Variants in NFIB observed in about 807,000 individuals in gnomAD.
NFIB encodes the protein nuclear factor 1 B-type.
Under a neutral mutation model 61.5 loss-of-function variants are expected in NFIB, and 11 were observed. That is an observed-to-expected ratio of 0.18 (90% CI 0.11 to 0.30). The LOEUF (loss-of-function observed/expected upper bound fraction) is 0.30, where lower values mean the gene tolerates loss of function less well. Among genes scored for constraint, NFIB ranks in the 10% least tolerant of loss-of-function variants. The probability of loss-of-function intolerance (pLI) is 1.00; values close to 1 mark genes in which losing one functional copy is unlikely to be tolerated. For synonymous variants in NFIB, 260 were observed against 216.5 expected (o/e 1.20, Z -1.76); for missense variants, 471 against 608.9 (o/e 0.77, Z 2.38).
upstream of NFIB, among the ~76,000 whole-genome samples, chr9:14,316,481 C>T (rs1416078356): frequency 1.3e-5 from 2 of 152,254 alleles, no homozygotes; most frequent in Admixed American, 1.3e-4. Flanking sequence ...CTGCGGTCCC[C>T]GCCCCTGCCC....
At chr9:14,343,075 G>A (rs1286804241) in intron 1 of NFIB, among the ~76,000 whole-genome samples, 2 of 152,062 alleles carry the variant, frequency 1.3e-5, no homozygotes, top group African/African-American at 4.8e-5. Flanking sequence ...TGGGTGGCGA[G>A]GGGATGCCAC....
At chr9:14,157,490 A>T (rs1293011743) in intron 3 of NFIB, among the ~76,000 whole-genome samples, 1 of 152,228 alleles carries the variant, frequency 6.6e-6, no homozygotes, top group East Asian at 1.9e-4. Flanking sequence ...TGCCACATTA[A>T]GTCATTATTC....
intron 2 of NFIB, among the ~76,000 whole-genome samples, chr9:14,233,938 A>C (rs2053472389): frequency 6.6e-6 from 1 of 152,166 alleles, no homozygotes; most frequent in Non-Finnish European, 1.5e-5. Context: ...ATTTTTGTTT[A>C]ATTTATATAA....
intron 2 of NFIB, among the ~76,000 whole-genome samples, chr9:14,295,150 G>A (rs1420450746): frequency 2.0e-5 from 3 of 152,122 alleles, no homozygotes; most frequent in South Asian, 4.1e-4. Flanking sequence ...TTCTTAACAC[G>A]ATAGAAAAGG....
At chr9:14,208,674 G>T (rs925104714) in intron 2 of NFIB, among the ~76,000 whole-genome samples, 6 of 151,382 alleles carry the variant, frequency 4.0e-5, no homozygotes, top group Non-Finnish European at 7.4e-5. Flanking sequence ...AAAACATCCT[G>T]GAAGTTTCCC....
chr9:14,447,958 C>A, the NFIB span, among the ~76,000 whole-genome samples: 2 of 151,974 alleles, frequency 1.3e-5, no homozygotes, highest in Non-Finnish European at 2.9e-5. Context: ...AGGTACCTAC[C>A]CTGAAATTGG....
the NFIB span, among the ~76,000 whole-genome samples, chr9:14,454,978 G>A: frequency 1.1e-3 from 162 of 152,340 alleles, no homozygotes; most frequent in African/African-American, 3.7e-3. Context: ...AATCAAAGCT[G>A]AGTGGGAATA....
chr9:14,375,240 C>T (rs2061404389), intron 1 of NFIB, among the ~76,000 whole-genome samples: 1 of 152,188 alleles, frequency 6.6e-6, no homozygotes. Context: ...CTCTTCCAGT[C>T]TTAGGCCATG....
At chr9:14,394,688 G>A (rs1338379862) in intron 1 of NFIB, among the ~76,000 whole-genome samples, 1 of 152,124 alleles carries the variant, frequency 6.6e-6, no homozygotes, top group Non-Finnish European at 1.5e-5. Context: ...ACCAATCATG[G>A]GTTGTTTCAT....
the NFIB span, among the ~76,000 whole-genome samples, chr9:14,523,148 G>A: frequency 7.2e-5 from 11 of 151,850 alleles, no homozygotes; most frequent in Non-Finnish European, 1.6e-4. Context: ...TGAGAGCCCT[G>A]AGGAAAAGTG....
chr9:14,147,701 G>A (rs2042421854), intron 5 of NFIB, among the ~76,000 whole-genome samples: 2 of 142,930 alleles, frequency 1.4e-5, no homozygotes, highest in Admixed American at 1.4e-4. Context: ...GTACACTGTG[G>A]CTCAATCTTG....
At chr9:14,479,341 A>C in the NFIB span, among the ~76,000 whole-genome samples, 1 of 152,212 alleles carries the variant, frequency 6.6e-6, no homozygotes, top group Non-Finnish European at 1.5e-5. Flanking sequence ...TGAAACCCAT[A>C]CTAGCAGACT....
At chr9:14,355,981 A>C (rs1328600819) in intron 1 of NFIB, among the ~76,000 whole-genome samples, 1 of 152,160 alleles carries the variant, frequency 6.6e-6, no homozygotes, top group Non-Finnish European at 1.5e-5. Flanking sequence ...ATAAAAAAAA[A>C]AAAAAAAGGC....
chr9:14,338,063 A>G (rs1363158742), intron 1 of NFIB, among the ~76,000 whole-genome samples: 5 of 152,100 alleles, frequency 3.3e-5, no homozygotes, highest in African/African-American at 1.2e-4. Context: ...GTGTAGCTGT[A>G]TGTTGCCATT....
chr9:14,169,765 C>G (rs1268725345), intron 3 of NFIB, among the ~76,000 whole-genome samples: 3 of 152,218 alleles, frequency 2.0e-5, no homozygotes, highest in East Asian at 1.9e-4. Context: ...TTGCAGTGAG[C>G]TGAGATCATG....
rs1229192723 is a variant in NFIB at position 14,113,045 on chromosome 9, T to A, written c.1421A>T (p.Tyr474Phe). ...TGGGTCTCTTGGGCTTAGTCCCACA[T>A]ATCGATTGGCTTGAGATGTGCCTGA... ...TASGTSQANR[Y>F]VGLSPRDPSF... The change falls in exon 10 of 11, where the codon TAT becomes TTT. Residue 474 changes from tyrosine (Y) to phenylalanine (F), a missense_variant. This residue lies in a region of NFIB where 372 missense variants were observed against 395.6 expected (regional missense o/e 0.94). Coordinates refer to ENST00000380953, the MANE Select transcript of NFIB (RefSeq NM_001190737.2). The A allele has an allele frequency of 6.5e-7, 1 of 1,550,330 alleles. No homozygotes were observed. Among genetic ancestry groups the A allele is most frequent in the East Asian group, 2.4e-5 (1 of 40,896 alleles).
the NFIB span, among the ~76,000 whole-genome samples, chr9:14,471,701 C>G: frequency 6.6e-6 from 1 of 152,196 alleles, no homozygotes; most frequent in African/African-American, 2.4e-5. Context: ...CATCTATTCT[C>G]TGTTTTTCCC....
intron 6 of NFIB, among the ~76,000 whole-genome samples, chr9:14,142,791 C>A (rs770943435): frequency 6.6e-6 from 1 of 151,898 alleles, no homozygotes; most frequent in Non-Finnish European, 1.5e-5. Context: ...AAAGCAATAT[C>A]CAAAAAAGAA....
chr9:14,118,258 G>A (rs192697114), intron 8 of NFIB, among the ~76,000 whole-genome samples: 98 of 152,066 alleles, frequency 6.4e-4, no homozygotes, highest in African/African-American at 2.3e-3. Context: ...TATCATTGGT[G>A]GTACATTCAA....
Sources: gnomAD v4.1 joint callset for allele counts (sites outside exome capture counted in the v4.1 genomes callset) on GRCh38, gnomAD v4.1.1 for gene constraint, gnomAD v4.1.1 regional missense constraint, MANE v1.5 for transcripts, NCBI Gene and HGNC (gene_info 2026-07-23, HGNC 2026-07-21) for gene names.